The following DDX6 variants were observed in gnomAD, a reference collection of about 807,000 sequenced individuals.
DDX6 encodes the protein DEAD-box helicase 6.
DDX6 carries 7 observed loss-of-function variants against 60.6 expected under a neutral mutation model. That is an observed-to-expected ratio of 0.12 (90% CI 0.07 to 0.22). The LOEUF (loss-of-function observed/expected upper bound fraction) is 0.22. DDX6 is among the 10% of genes least tolerant of loss of function. The pLI, the probability that DDX6 is intolerant of heterozygous loss-of-function variation, is 1.00. For synonymous variants in DDX6, 207 were observed against 201.0 expected, an observed-to-expected ratio of 1.03 and a Z score of -0.25; for missense variants, 270 against 589.9, an observed-to-expected ratio of 0.46 and a Z score of 5.62.
Position 118,756,025 on chromosome 11 carries a change from C to A in DDX6, c.1174+235G>T, listed in dbSNP as rs549931056. ...AAAGATTCCATCCCCCTCCCCCCCC[C>A]CCCCAAAAAAAAGACAGAGATGAGG... On this transcript the variant is annotated intron_variant, in intron 11 of 13. Coordinates refer to ENST00000534980, the MANE Select transcript of DDX6 (RefSeq NM_004397.6). Among the ~76,000 whole-genome samples, 7 of 132,934 alleles carry A rather than the reference C, an allele frequency of 5.3e-5. 1 individual carries two copies. Among genetic ancestry groups the A allele is most frequent in the Admixed American group, 2.2e-4 (3 of 13,710 alleles). The allele number at this position is 132,934 out of a possible 152,430, so 87.2% of individuals were successfully genotyped here. A position where few individuals can be genotyped will look rare whatever the true frequency, so the allele number is the denominator to read the frequency against.
In DDX6 at chr11:118,786,373, T is replaced by C. The variant is rs1354794487; in HGVS notation, c.-122A>G. On this transcript the variant is annotated 5_prime_UTR_variant, in exon 2 of 14. Transcript: ENST00000534980. ...ATAAATATAAGTCTTGCTCAATAAA[T>C]GAGTCCTTTATTGCAATGCAGGCAA... The C allele has an allele frequency of 4.0e-5, 32 of 809,264 alleles. No individual in the cohort carries two copies. Among genetic ancestry groups the C allele is most frequent in the Non-Finnish European group, 4.1e-5 (22 of 536,416 alleles). The allele number at this position is 809,264 out of a possible 1,614,324, so 50.1% of individuals were successfully genotyped here.
intron 13 of DDX6, among the ~76,000 whole-genome samples, chr11:118,752,473 AT>A: frequency 6.6e-6 from 1 of 152,188 alleles, no homozygotes; most frequent in East Asian, 1.9e-4. Flanking sequence ...TAATTTAAAA[AT>A]TATTTAAGTA....
intron 13 of DDX6, among the ~76,000 whole-genome samples, chr11:118,753,834 G>A (rs1860869818): frequency 6.6e-6 from 1 of 152,004 alleles, no homozygotes; most frequent in African/African-American, 2.4e-5. Context: ...GCTCACACCT[G>A]TAATCCCAGC....
chr11:118,753,865 C>T (rs1011767170), intron 13 of DDX6, among the ~76,000 whole-genome samples: 67 of 152,082 alleles, frequency 4.4e-4, no homozygotes, highest in African/African-American at 1.5e-3. Flanking sequence ...GAGGCTGAGG[C>T]GGGTAGATCA....
intron 4 of DDX6, among the ~76,000 whole-genome samples, chr11:118,774,239 A>G (rs556359860): frequency 1.4e-4 from 22 of 152,208 alleles, no homozygotes; most frequent in Non-Finnish European, 2.9e-4. Flanking sequence ...CTAAGCAGAC[A>G]AAAACAGTAT....
At position 118,755,433 on chromosome 11, in the gene DDX6, T is replaced by G; in HGVS notation, c.1245A>C (p.Ala415=). 1 of 1,610,912 alleles carries G rather than the reference T, an allele frequency of 6.2e-7. No individual in the cohort carries two copies. The highest frequency in any genetic ancestry group is 8.5e-7 in the Non-Finnish European group (1 of 1,177,466). The change falls in exon 12 of 14, where the codon GCA becomes GCC. Residue 415 remains alanine (A), a synonymous_variant. Transcript: ENST00000534980. The part of the protein sequence containing the change: ...VVINFDFPKL[A]ETYLHRIGRS... Reference sequence around the variant, plus strand: ...TTCCAATACGATGGAGATAGGTCTCTGCCAGCTTTGGGAAATCAAAGTTTA... The same window carrying G: ...TTCCAATACGATGGAGATAGGTCTCGGCCAGCTTTGGGAAATCAAAGTTTA...
At chr11:118,768,141 TAA>T in intron 5 of DDX6, 80 bp downstream of exon 5, 2 of 1,319,844 alleles carry the variant, frequency 1.5e-6, no homozygotes. Flanking sequence ...AAATTCTGAC[TAA>T]AAAAAGAGTA....
intron 2 of DDX6, among the ~76,000 whole-genome samples, chr11:118,783,810 C>CAA (rs71044495): frequency 1.8e-5 from 1 of 56,912 alleles, no homozygotes. Flanking sequence ...GAGTCCATCT[C>CAA]AAAAAAAAAA....
Position 118,748,917 on chromosome 11 carries a change from C to G in DDX6, c.*3188G>C, listed in dbSNP as rs1162551993. On this transcript the variant is annotated 3_prime_UTR_variant, in exon 14 of 14. Coordinates refer to ENST00000534980, the MANE Select transcript of DDX6 (RefSeq NM_004397.6). ...TCCCATCTCATTCTGAAAACAAATACTGATAACCAAGCCCACCCTCCAACC... is the reference window on the plus strand; with the variant it reads ...TCCCATCTCATTCTGAAAACAAATAGTGATAACCAAGCCCACCCTCCAACC... 7 of 152,170 alleles carry G rather than the reference C, an allele frequency of 4.6e-5. No homozygotes were observed. Among genetic ancestry groups the G allele is most frequent in the African/African-American group, 1.7e-4 (7 of 41,442 alleles). The allele number at this position is 152,170 out of a possible 1,614,324, so 9.4% of individuals were successfully genotyped here.
At chr11:118,774,086 T>C (rs1220497594) in intron 4 of DDX6, among the ~76,000 whole-genome samples, 1 of 152,154 alleles carries the variant, frequency 6.6e-6, no homozygotes, top group African/African-American at 2.4e-5. Context: ...CATGTTTCCC[T>C]CAATAATCAA....
At chr11:118,765,133 A>G in intron 6 of DDX6, 76 bp downstream of exon 6, 2 of 1,536,716 alleles carry the variant, frequency 1.3e-6, no homozygotes, top group Non-Finnish European at 1.8e-6. Flanking sequence ...CTTAAAAACA[A>G]TTTTTAATAA....
intron 5 of DDX6, 123 bp from the exon 6 acceptor site, chr11:118,765,478 C>T: frequency 1.0e-6 from 1 of 986,354 alleles, no homozygotes; most frequent in Admixed American, 1.9e-5. Context: ...CAGTGGCTCA[C>T]ACCTGTAACT....
intron 6 of DDX6, 95 bp from the exon 7 acceptor site, chr11:118,763,401 A>G (rs1468309844): frequency 6.4e-6 from 6 of 944,308 alleles, no homozygotes; most frequent in Admixed American, 1.9e-5. Context: ...CTGCTTAATG[A>G]TAATTCTGAG....
intron 2 of DDX6, among the ~76,000 whole-genome samples, chr11:118,785,267 A>C (rs904639747): frequency 6.6e-6 from 1 of 152,292 alleles, no homozygotes; most frequent in African/African-American, 2.4e-5. Context: ...GAGGCTCTTC[A>C]ATTTTAAGGT....
At chr11:118,765,719 A>C (rs1479165898) in intron 5 of DDX6, among the ~76,000 whole-genome samples, 1 of 151,648 alleles carries the variant, frequency 6.6e-6, no homozygotes, top group Non-Finnish European at 1.5e-5. Flanking sequence ...GGCTGCAGTG[A>C]GGCAAGATCG....
intron 4 of DDX6, among the ~76,000 whole-genome samples, chr11:118,771,309 G>T: frequency 6.6e-6 from 1 of 152,060 alleles, no homozygotes; most frequent in Non-Finnish European, 1.5e-5. Context: ...CCCCTTTTCA[G>T]TTCATCTTTT....
intron 9 of DDX6, 54 bp downstream of exon 9, chr11:118,758,718 ATC>A (rs1388087735): frequency 1.1e-4 from 181 of 1,588,650 alleles, no homozygotes; most frequent in Non-Finnish European, 1.5e-4. Context: ...TGATGAAATC[ATC>A]TGTTTTACTG....
In DDX6 at chr11:118,754,716, G is replaced by A. The variant is rs1170463312; in HGVS notation, c.1448C>T (p.Pro483Leu). The change falls in exon 13 of 14, where the codon CCT becomes CTT. Residue 483 changes from proline to leucine, a missense_variant. Physicochemically the swap from Pro to Leu is moderately conservative, Grantham distance 98. Around this residue, in one of 8 missense-constraint regions of DDX6, gnomAD observed 34 missense variants for 59.4 expected, o/e 0.57. Transcript: ENST00000534980. ...TGTCAGGGACGTACATGCTTGTTAA[G>A]GTTTCTCATCTTCTACAGGCTCGCT... is the stretch of plus-strand genomic sequence containing the variant. ...YHSEPVEDEK[P>L] The A allele has an allele frequency of 6.2e-7, 1 of 1,605,576 alleles. No individual in the cohort carries two copies. Among genetic ancestry groups the A allele is most frequent in the African/African-American group, 1.3e-5 (1 of 74,402 alleles).
intron 4 of DDX6, among the ~76,000 whole-genome samples, chr11:118,775,752 A>G (rs1228878641): frequency 2.0e-5 from 3 of 152,320 alleles, no homozygotes; most frequent in African/African-American, 7.2e-5. Context: ...CCTATATGCT[A>G]TAACAACACT....
Sources: gnomAD v4.1 joint callset for allele counts (sites outside exome capture counted in the v4.1 genomes callset) on GRCh38, gnomAD v4.1.1 for gene constraint, gnomAD v4.1.1 regional missense constraint, MANE v1.5 for transcripts, NCBI Gene and HGNC (gene_info 2026-07-23, HGNC 2026-07-21) for gene names.